KIF17: variants seen among roughly 807,000 people sequenced by gnomAD.
KIF17 encodes kinesin family member 17, also known as kinesin-like protein KIF17.
KIF17 carries 80 observed loss-of-function variants against 96.8 expected under a neutral mutation model. The observed-to-expected ratio is 0.83, with a 90% CI of 0.69 to 1.00. KIF17 has a LOEUF of 1.00. KIF17 is among the 50% of genes least tolerant of loss of function. KIF17 has a pLI of 0.00. For synonymous variants in KIF17, 567 were observed against 587.5 expected, an observed-to-expected ratio of 0.97 and a Z score of 0.51; for missense variants, 1,280 against 1,372.9, an observed-to-expected ratio of 0.93 and a Z score of 1.07.
At chr1:20,694,806 C>T (rs573439165) in intron 6 of KIF17, among the ~76,000 whole-genome samples, 1 of 152,270 alleles carries the variant, frequency 6.6e-6, no homozygotes, top group Non-Finnish European at 1.5e-5. Flanking sequence ...CTCCTCAGAG[C>T]CCTGCAGCCC....
At chr1:20,663,813 G>A (rs1285198922), downstream of KIF17, among the ~76,000 whole-genome samples, 1 of 152,228 alleles carries the variant, frequency 6.6e-6, no homozygotes, top group Non-Finnish European at 1.5e-5. Flanking sequence ...GCTTTCCTGG[G>A]TCACAGGTCC....
In KIF17 at chr1:20,700,690, T is replaced by C. The variant is rs1472577309; in HGVS notation, c.1124-2202A>G. 6.6e-6 allele frequency among the ~76,000 whole-genome samples: 1 copy of C among 152,188 alleles called. No homozygotes were observed. The highest frequency in any genetic ancestry group is 2.4e-5 in the African/African-American group (1 of 41,442). ...ATCTTGAGGGACTTGCTGGGCAGGG[T>C]TAGACTGCCCTTCAGGGCGAGCGAA... On this transcript the variant is annotated intron_variant, in intron 5 of 14. Transcript: ENST00000400463. This position sits in a 1 kb window ranked among gnomAD's most constrained non-coding sequence, Gnocchi z 4.6.
At chr1:20,664,870 C>G in intron 14 of KIF17, 108 bp from the exon 15 acceptor site, 2 of 1,052,814 alleles carry the variant, frequency 1.9e-6, no homozygotes, top group East Asian at 5.2e-5. Flanking sequence ...TCCCGCCCCC[C>G]TGCCCAGCCA....
At chr1:20,686,296 G>A (rs564645211) in intron 8 of KIF17, 170 bp from the exon 9 acceptor site, 3 of 680,864 alleles carry the variant, frequency 4.4e-6, no homozygotes, top group Non-Finnish European at 8.1e-6. Flanking sequence ...AGAGATGAGG[G>A]AGAGAACAGG....
Position 20,690,347 on chromosome 1 carries a change from G to GT in KIF17, c.1234-13_1234-12insA. 1 of 1,323,472 alleles carries GT rather than the reference G, an allele frequency of 7.6e-7. No individual in the cohort carries two copies. The highest frequency in any genetic ancestry group is 1.0e-6 in the Non-Finnish European group (1 of 953,988). 82.0% of individuals were successfully genotyped at this position (1,323,472 alleles called of 1,614,324 possible). A position where few individuals can be genotyped will look rare whatever the true frequency, so the allele number is the denominator to read the frequency against. ...CGCTCTTCATACTCCTGGGGGGGTG[G>GT]GAGGGACCAGAGGGCAGGCAGCATT... On this transcript the variant is annotated splice_polypyrimidine_tract_variant and intron_variant, in intron 6 of 14. Coordinates refer to ENST00000400463, the MANE Select transcript of KIF17 (RefSeq NM_001122819.3).
In KIF17 at chr1:20,717,834, C is replaced by A; in HGVS notation, c.-128G>T. On this transcript the variant is annotated 5_prime_UTR_variant, in exon 1 of 15. Transcript: ENST00000400463. ...CGGGGCCTTGAGGCAGGGGCGGGGC[C>A]GCGGCGGGGGGCGGGGACCCCTCGG... is the stretch of plus-strand genomic sequence containing the variant. 1 of 929,962 alleles carries A rather than the reference C, an allele frequency of 1.1e-6. No homozygotes were observed. The highest frequency in any genetic ancestry group is 4.0e-5 in the East Asian group (1 of 24,714). The allele number at this position is 929,962 out of a possible 1,614,324, so 57.6% of individuals were successfully genotyped here. A position where few individuals can be genotyped will look rare whatever the true frequency, so the allele number is the denominator to read the frequency against.
At chr1:20,696,064 CAG>C (rs2054132880) in intron 6 of KIF17, among the ~76,000 whole-genome samples, 1 of 152,156 alleles carries the variant, frequency 6.6e-6, no homozygotes, top group African/African-American at 2.4e-5. Context: ...GCAGATGAGA[CAG>C]AGGCTCAGAG....
rs747985690 is a variant in KIF17, at chr1:20,707,781, ATGTGTATG to A, written c.670+1850_670+1857del. Among the ~76,000 whole-genome samples the A allele has an allele frequency of 5.3e-3, 483 of 90,930 alleles. 6 individuals carry two copies. The highest frequency in any genetic ancestry group is 0.021 in the African/African-American group (424 of 19,954). 59.7% of individuals were successfully genotyped at this position (90,930 alleles called of 152,430 possible). A position where few individuals can be genotyped will look rare whatever the true frequency, so the allele number is the denominator to read the frequency against. On this transcript the variant is annotated intron_variant, in intron 4 of 14. Coordinates refer to ENST00000400463, the MANE Select transcript of KIF17 (RefSeq NM_001122819.3). ...CTGTCTCAAAAAAAAAAACAAACCAATGTGTATGTGTGTGTGTGTGTGTGTGTGTGTGT... is the reference window on the plus strand; with the variant it reads ...CTGTCTCAAAAAAAAAAACAAACCAATGTGTGTGTGTGTGTGTGTGTGTGT...
intron 7 of KIF17, among the ~76,000 whole-genome samples, chr1:20,689,132 TG>T (rs1355452557): frequency 6.6e-6 from 1 of 152,116 alleles, no homozygotes; most frequent in African/African-American, 2.4e-5. Context: ...CTCGCTGGAC[TG>T]GGGAGACCAG....
chr1:20,666,028 G>A (rs1570425763), intron 14 of KIF17, among the ~76,000 whole-genome samples, 186 bp downstream of exon 14: 2 of 152,186 alleles, frequency 1.3e-5, no homozygotes, highest in African/African-American at 4.8e-5. Flanking sequence ...GGGCTGGGCC[G>A]TTTCCTCACC....
In KIF17 at chr1:20,717,775, G is replaced by C. The variant is rs1557610864; in HGVS notation, c.-69C>G. ...CCGCCGGGGACTCCCAGCAGCCCGGGCCAAGGGGCGGGGCCAGCGCCGGCC... is the reference window on the plus strand; with the variant it reads ...CCGCCGGGGACTCCCAGCAGCCCGGCCCAAGGGGCGGGGCCAGCGCCGGCC... On this transcript the variant is annotated 5_prime_UTR_variant, in exon 1 of 15. Transcript: ENST00000400463. 2 of 1,449,820 alleles carry C rather than the reference G, an allele frequency of 1.4e-6. No homozygotes were observed. The highest frequency in any genetic ancestry group is 1.8e-6 in the Non-Finnish European group (2 of 1,109,598). The allele number at this position is 1,449,820 out of a possible 1,614,324, so 89.8% of individuals were successfully genotyped here. A position where few individuals can be genotyped will look rare whatever the true frequency, so the allele number is the denominator to read the frequency against.
At chr1:20,669,320 G>A (rs1407649886) in intron 13 of KIF17, among the ~76,000 whole-genome samples, 6 of 151,834 alleles carry the variant, frequency 4.0e-5, no homozygotes, top group East Asian at 1.9e-4. Context: ...GGCAGATCAC[G>A]AGGTCAGGAG....
Position 20,687,942 on chromosome 1 carries a change from C to A in KIF17, c.1384G>T (p.Ala462Ser). ...LEENLRKETE[A>S]VLQVGVLYKA... Reference sequence around the variant, plus strand: ...TAGAGGACTCCCACCTGCAGGACAGCCTCTGCAAAATGGAGAACTTCCTTC... The same window carrying A: ...TAGAGGACTCCCACCTGCAGGACAGACTCTGCAAAATGGAGAACTTCCTTC... The change falls in exon 8 of 15, where the codon GCT (alanine) becomes TCT (serine). Residue 462 changes from alanine (A) to serine (S), a missense_variant and splice_region_variant. Physicochemically the swap from Ala to Ser is moderately conservative, Grantham distance 99. Coordinates refer to ENST00000400463, the MANE Select transcript of KIF17 (RefSeq NM_001122819.3). The surrounding 1 kb of genome is among the most constrained non-coding windows in gnomAD (Gnocchi z 4.4). The A allele has an allele frequency of 6.2e-7, 1 of 1,613,554 alleles. No individual in the cohort carries two copies. Among genetic ancestry groups the A allele is most frequent in the Non-Finnish European group, 8.5e-7 (1 of 1,179,930 alleles).
intron 6 of KIF17, among the ~76,000 whole-genome samples, chr1:20,690,597 A>G (rs2054021589): frequency 6.6e-6 from 1 of 151,822 alleles, no homozygotes; most frequent in Non-Finnish European, 1.5e-5. Flanking sequence ...ATCATGGCTC[A>G]TTCCAGCCTC....
At chr1:20,714,266 G>A (rs987295216) in intron 2 of KIF17, among the ~76,000 whole-genome samples, 9 of 152,030 alleles carry the variant, frequency 5.9e-5, no homozygotes, top group Admixed American at 4.6e-4. Flanking sequence ...GGCGGAGCTT[G>A]CAGTGAGCTG....
intron 11 of KIF17, among the ~76,000 whole-genome samples, chr1:20,680,992 G>A (rs1570442329): frequency 6.6e-6 from 1 of 151,290 alleles, no homozygotes; most frequent in East Asian, 2.0e-4. Flanking sequence ...TGGGTGTGGT[G>A]GCGGGCGCCT....
chr1:20,664,211 G>T lies in KIF17; in HGVS notation c.*373C>A. Reference sequence around the variant, plus strand: ...CCAGCTGATATTGAGCTTCCTCCACGTGGCAGCTGCTGCCCTCTCCATCAG... The same window carrying T: ...CCAGCTGATATTGAGCTTCCTCCACTTGGCAGCTGCTGCCCTCTCCATCAG... On this transcript the variant is annotated 3_prime_UTR_variant, in exon 15 of 15. Transcript: ENST00000400463. The T allele has an allele frequency of 3.8e-6, 2 of 527,400 alleles. No individual in the cohort carries two copies. Among genetic ancestry groups the T allele is most frequent in the Non-Finnish European group, 5.8e-6 (2 of 346,724 alleles). 32.7% of individuals were successfully genotyped at this position (527,400 alleles called of 1,614,324 possible).
chr1:20,681,294 A>G (rs1429435871), intron 11 of KIF17, among the ~76,000 whole-genome samples: 1 of 150,912 alleles, frequency 6.6e-6, no homozygotes, highest in Non-Finnish European at 1.5e-5. Context: ...GGTTCAAGGG[A>G]TTCTCCTGCC....
intron 3 of KIF17, among the ~76,000 whole-genome samples, chr1:20,710,400 T>A (rs1448491255): frequency 6.6e-6 from 1 of 152,038 alleles, no homozygotes; most frequent in Non-Finnish European, 1.5e-5. Flanking sequence ...GCCCACTTGC[T>A]CCCCAGAACC....
Sources: gnomAD v4.1 joint callset for allele counts (sites outside exome capture counted in the v4.1 genomes callset) on GRCh38, gnomAD v4.1.1 for gene constraint, Gnocchi (gnomAD v3.1) non-coding constraint, MANE v1.5 for transcripts, NCBI Gene and HGNC (gene_info 2026-07-23, HGNC 2026-07-21) for gene names.